Variants in CERS4 observed in about 807,000 individuals in gnomAD.
CERS4 encodes LAG1 homolog, ceramide synthase 4.
Under a neutral mutation model 51.8 loss-of-function variants are expected in CERS4, and 65 were observed. The ratio of observed to expected loss-of-function variants is 1.26; its 90% confidence interval spans 1.03 to 1.54. The LOEUF (loss-of-function observed/expected upper bound fraction) is 1.54, where lower values mean the gene tolerates loss of function less well. Among genes scored for constraint, CERS4 ranks in the 40% most tolerant of loss-of-function variants. The pLI is 0.00. For missense variants in CERS4, 563 were observed against 500.4 expected (o/e 1.13, Z -1.19); for synonymous variants, 228 against 208.4 (o/e 1.09, Z -0.81).
intron 2 of CERS4, among the ~76,000 whole-genome samples, chr19:8,230,484 C>T (rs919188154): frequency 6.6e-6 from 1 of 152,058 alleles, no homozygotes; most frequent in Non-Finnish European, 1.5e-5. Flanking sequence ...GCCACTGTGC[C>T]CAGCCATAAG....
intron 1 of CERS4, chr19:8,209,858 C>G (rs1967014519): frequency 6.6e-6 from 1 of 152,254 alleles, no homozygotes; most frequent in South Asian, 2.1e-4. Flanking sequence ...GGGCCCTGGC[C>G]TCGGAGTCCG....
intron 5 of CERS4, 36 bp downstream of exon 5, chr19:8,255,761 G>A: frequency 1.9e-6 from 3 of 1,595,466 alleles, no homozygotes; most frequent in Non-Finnish European, 2.6e-6. Context: ...GTGCAGGGAA[G>A]CGGGCCGGGG....
intron 2 of CERS4, among the ~76,000 whole-genome samples, chr19:8,225,713 C>T (rs1433882163): frequency 5.3e-5 from 8 of 151,968 alleles, no homozygotes; most frequent in East Asian, 3.9e-4. Flanking sequence ...CGTGAGCCAC[C>T]GTACCCGGCC....
rs1298081804 is a variant in CERS4 at position 8,256,699 on chromosome 19, G to T, written c.601G>T (p.Val201Phe). 6.2e-7 allele frequency: 1 copy of T among 1,613,522 alleles called. No homozygotes were observed. The highest frequency in any genetic ancestry group is 8.5e-7 in the Non-Finnish European group (1 of 1,179,766). Residue 201 changes from valine to phenylalanine, a missense_variant, in exon 8 of 12, where the codon GTC becomes TTC. Coordinates refer to ENST00000251363, the MANE Select transcript of CERS4 (RefSeq NM_024552.3). Reference protein sequence around the residue: ...LSLLIRLPFDVKRKDFKEQVI... With the variant: ...LSLLIRLPFDFKRKDFKEQVI... ...ACTGCTAATCAGGCTGCCCTTTGAT[G>T]TCAAGCGCAAGGTGAGGCCAAATAA...
rs747915702 is a variant in CERS4 at position 8,255,597 on chromosome 19, C to T, written c.292-10C>T. 1.2e-6 allele frequency: 2 copies of T among 1,605,792 alleles called. No homozygotes were observed. Among genetic ancestry groups the T allele is most frequent in the South Asian group, 1.1e-5 (1 of 89,982 alleles). On this transcript the variant is annotated splice_polypyrimidine_tract_variant and intron_variant, in intron 4 of 11. Transcript: ENST00000251363. ...CTCTGTGACCCTTGTCCTCATCACC[C>T]CCTCCCCAGCCCCAGCTGTCTCTCC... is the stretch of plus-strand genomic sequence containing the variant.
At chr19:8,214,035 C>G (rs769143960) in intron 2 of CERS4, among the ~76,000 whole-genome samples, 10 of 151,920 alleles carry the variant, frequency 6.6e-5, no homozygotes, top group Non-Finnish European at 1.2e-4. Flanking sequence ...TGAGTCTGGA[C>G]TTTATACCTT....
chr19:8,234,157 T>A (rs1411419968), intron 2 of CERS4, among the ~76,000 whole-genome samples: 1 of 151,876 alleles, frequency 6.6e-6, no homozygotes, highest in Non-Finnish European at 1.5e-5. Context: ...ATACAAAAAA[T>A]TAGCCGGGCA....
Position 8,262,277 on chromosome 19 carries a change from A to C in CERS4, c.*168A>C, listed in dbSNP as rs36260. 4.8e-6 allele frequency: 3 copies of C among 631,312 alleles called. No homozygotes were observed. Among genetic ancestry groups the C allele is most frequent in the East Asian group, 3.2e-5 (1 of 31,198 alleles). 39.1% of individuals were successfully genotyped at this position (631,312 alleles called of 1,614,324 possible). On this transcript the variant is annotated 3_prime_UTR_variant, in exon 12 of 12. Coordinates refer to ENST00000251363, the MANE Select transcript of CERS4 (RefSeq NM_024552.3). ...TCCAGCCCCTTCCTTCTGCCCACCC[A>C]CCCTTCTTCCCTCTGGGCAACTGGA...
chr19:8,257,021 C>G lies in CERS4; in HGVS notation c.685C>G (p.Leu229Val). The change falls in exon 9 of 12, where the codon CTG becomes GTG. Residue 229 changes from leucine (L) to valine (V), a missense_variant. Leu to Val is a conservative substitution (Grantham distance 32). Coordinates refer to ENST00000251363, the MANE Select transcript of CERS4 (RefSeq NM_024552.3). ...GACCTTCTCCTACAGTGCCAACCTGCTGCGCATTGGCTCTCTGGTGCTGCT... is the reference window on the plus strand; with the variant it reads ...GACCTTCTCCTACAGTGCCAACCTGGTGCGCATTGGCTCTCTGGTGCTGCT... ...LMTFSYSANL[L>V]RIGSLVLLLH... is the part of the protein sequence containing the mutation. 7 of 1,613,554 alleles carry G rather than the reference C, an allele frequency of 4.3e-6. No homozygotes were observed. Among genetic ancestry groups the G allele is most frequent in the Non-Finnish European group, 5.9e-6 (7 of 1,179,666 alleles).
chr19:8,260,950 CAAAAAAAAAAAAAAAA>C (rs764163177), intron 10 of CERS4: 2 of 35,998 alleles, frequency 5.6e-5, no homozygotes, highest in Non-Finnish European at 9.7e-5. Context: ...GACTCCATCT[CAAAAAAAAAAAAAAAA>C]AAAAAAAAAA....
intron 2 of CERS4, among the ~76,000 whole-genome samples, chr19:8,249,161 T>C (rs1216886360): frequency 6.8e-6 from 1 of 146,812 alleles, no homozygotes; most frequent in East Asian, 2.0e-4. Context: ...GATGGGTGGA[T>C]GGATGATGGG....
At chr19:8,225,356 CAG>C (rs1967740567) in intron 2 of CERS4, among the ~76,000 whole-genome samples, 2 of 150,172 alleles carry the variant, frequency 1.3e-5, no homozygotes, top group African/African-American at 4.9e-5. Context: ...AGGGTGGGGA[CAG>C]AGAGGTGGCA....
rs562033232 is a variant in CERS4 at position 8,245,346 on chromosome 19, G to A, written c.-1-5730G>A. On this transcript the variant is annotated intron_variant, in intron 2 of 11. Coordinates refer to ENST00000251363, the MANE Select transcript of CERS4 (RefSeq NM_024552.3). ...GCTCATTGCAGCCCCAAACTCTTGGGCTTAAGCAATCCTCCTGCCTCTGCC... is the reference window on the plus strand; with the variant it reads ...GCTCATTGCAGCCCCAAACTCTTGGACTTAAGCAATCCTCCTGCCTCTGCC... 3.8e-3 allele frequency among the ~76,000 whole-genome samples: 580 copies of A among 152,008 alleles called. 3 individuals are homozygous for A. Among genetic ancestry groups the A allele is most frequent in the Non-Finnish European group, 5.8e-3 (394 of 67,984 alleles).
chr19:8,221,870 ATG>A (rs1491055545), intron 2 of CERS4, among the ~76,000 whole-genome samples: 2,865 of 31,736 alleles, frequency 0.09, 137 homozygotes, highest in African/African-American at 0.22. Flanking sequence ...TTATTTTTTT[ATG>A]TTTTTTTTTT....
chr19:8,233,129 A>C (rs989891537), intron 2 of CERS4, among the ~76,000 whole-genome samples: 2 of 151,482 alleles, frequency 1.3e-5, no homozygotes, highest in African/African-American at 4.9e-5. Flanking sequence ...CAATCCTCCA[A>C]CTTCAGCCTG....
chr19:8,216,662 C>A (rs1256480759), intron 2 of CERS4, among the ~76,000 whole-genome samples: 1 of 152,086 alleles, frequency 6.6e-6, no homozygotes, highest in Non-Finnish European at 1.5e-5. Flanking sequence ...TCCACCATGT[C>A]CAGAATATTG....
At chr19:8,220,340 T>C (rs1427356142) in intron 2 of CERS4, among the ~76,000 whole-genome samples, 1 of 152,082 alleles carries the variant, frequency 6.6e-6, no homozygotes, top group African/African-American at 2.4e-5. Flanking sequence ...CACCATGCTC[T>C]GTTACCCAGG....
At chr19:8,215,752 A>T (rs913022459) in intron 2 of CERS4, among the ~76,000 whole-genome samples, 1 of 152,052 alleles carries the variant, frequency 6.6e-6, no homozygotes, top group Non-Finnish European at 1.5e-5. Flanking sequence ...CCAAACTGGG[A>T]GGGGGCATCC....
Position 8,230,281 on chromosome 19 carries a change from C to G in CERS4, c.-2+19419C>G, listed in dbSNP as rs560582010. Among the ~76,000 whole-genome samples, 399 of 152,048 alleles carry G rather than the reference C, an allele frequency of 2.6e-3. 1 individual carries two copies. The highest frequency in any genetic ancestry group is 9.0e-3 in the African/African-American group (373 of 41,448). ...CTCGGCTCACTCCAGCCTCTGCCTC[C>G]CAGGTTCACATGATTCTCCTGCCTC... On this transcript the variant is annotated intron_variant, in intron 2 of 11. Transcript: ENST00000251363.
Sources: gnomAD v4.1 joint callset for allele counts (sites outside exome capture counted in the v4.1 genomes callset) on GRCh38, gnomAD v4.1.1 for gene constraint, MANE v1.5 for transcripts, NCBI Gene and HGNC (gene_info 2026-07-23, HGNC 2026-07-21) for gene names.